The following ANKRD6 variants were observed in gnomAD, a reference collection of about 807,000 sequenced individuals.
ANKRD6 encodes the protein ankyrin repeat domain 6, also known as ankyrin repeat domain-containing protein 6.
A neutral mutation model predicts 82.3 loss-of-function variants in ANKRD6; 56 were observed. The observed-to-expected ratio is 0.68, with a 90% CI of 0.55 to 0.85. The LOEUF (loss-of-function observed/expected upper bound fraction) is 0.85, where lower values mean the gene tolerates loss of function less well. Among genes scored for constraint, ANKRD6 ranks in the 40% least tolerant of loss-of-function variants. ANKRD6 has a pLI of 0.00. For missense variants in ANKRD6, 852 were observed against 907.6 expected (o/e 0.94, Z 0.79); for synonymous variants, 347 against 352.1 (o/e 0.99, Z 0.16).
chr6:89,554,269 C>G (rs1445417161), intron 1 of ANKRD6, among the ~76,000 whole-genome samples: 2 of 152,164 alleles, frequency 1.3e-5, no homozygotes, highest in Admixed American at 1.3e-4. Flanking sequence ...CCCTTGTATC[C>G]TCCATTCTCT....
In ANKRD6 at chr6:89,623,853, G is replaced by T. The variant is rs536767744; in HGVS notation, c.1033-19G>T. ...AGAGGTCAAAGCGTTCAGGGGTGTTGTCTCTTCCTCTCTTACAGGTGTCAG... is the reference window on the plus strand; with the variant it reads ...AGAGGTCAAAGCGTTCAGGGGTGTTTTCTCTTCCTCTCTTACAGGTGTCAG... On this transcript the variant is annotated intron_variant, in intron 11 of 15. Transcript: ENST00000339746. 1 of 1,606,034 alleles carries T rather than the reference G, an allele frequency of 6.2e-7. No individual in the cohort carries two copies. The highest frequency in any genetic ancestry group is 1.1e-5 in the South Asian group (1 of 89,504).
intron 4 of ANKRD6, among the ~76,000 whole-genome samples, chr6:89,603,509 T>C (rs1797749335): frequency 6.6e-6 from 1 of 151,998 alleles, no homozygotes; most frequent in Admixed American, 6.6e-5. Flanking sequence ...AAAATCTTTT[T>C]CCTTGTTCTA....
At chr6:89,568,209 G>A (rs1455211366) in intron 2 of ANKRD6, 1 of 152,246 alleles carries the variant, frequency 6.6e-6, no homozygotes, top group African/African-American at 2.4e-5. Context: ...ACAAATGGGA[G>A]AGAGTGCAGA....
intron 1 of ANKRD6, among the ~76,000 whole-genome samples, chr6:89,545,226 A>AAAG (rs1784940685): frequency 6.7e-6 from 1 of 149,118 alleles, no homozygotes; most frequent in Admixed American, 6.7e-5. Flanking sequence ...AAAAAAAAAA[A>AAAG]AAAAGAAAAG....
chr6:89,560,458 C>A (rs1194033899), intron 1 of ANKRD6, among the ~76,000 whole-genome samples: 1 of 152,206 alleles, frequency 6.6e-6, no homozygotes, highest in Non-Finnish European at 1.5e-5. Flanking sequence ...CAAATACAGT[C>A]ACACTGGGGG....
chr6:89,618,170 A>T (rs768893461), intron 9 of ANKRD6, 139 bp downstream of exon 9: 1 of 927,872 alleles, frequency 1.1e-6, no homozygotes, highest in East Asian at 2.4e-5. Flanking sequence ...ATAGGCATGC[A>T]TGGGGGCCCA....
At chr6:89,492,770 TAGA>T (rs1168467915) in intron 1 of ANKRD6, among the ~76,000 whole-genome samples, 2 of 152,218 alleles carry the variant, frequency 1.3e-5, no homozygotes. Context: ...CTCCCCATTC[TAGA>T]AGAACTGGAC....
chr6:89,457,935 G>A (rs1300903747), intron 1 of ANKRD6, among the ~76,000 whole-genome samples: 1 of 152,180 alleles, frequency 6.6e-6, no homozygotes, highest in Non-Finnish European at 1.5e-5. Flanking sequence ...TAATAAAGTT[G>A]TGAGTTTGGA....
chr6:89,460,623 A>T (rs1027012541), intron 1 of ANKRD6, among the ~76,000 whole-genome samples: 1 of 151,798 alleles, frequency 6.6e-6, no homozygotes. Flanking sequence ...TTTAGTAGAG[A>T]CGGGGTTTCA....
At chr6:89,462,883 T>TC (rs1327064565) in intron 1 of ANKRD6, among the ~76,000 whole-genome samples, 3 of 151,372 alleles carry the variant, frequency 2.0e-5, no homozygotes, top group African/African-American at 7.3e-5. Context: ...TTTTTTTTTT[T>TC]CTAAGAGACA....
intron 1 of ANKRD6, among the ~76,000 whole-genome samples, chr6:89,436,097 G>A (rs964654262): frequency 1.3e-5 from 2 of 152,100 alleles, no homozygotes; most frequent in African/African-American, 4.8e-5. Context: ...TTAGTAGTTA[G>A]GTTCAAACAA....
intron 2 of ANKRD6, among the ~76,000 whole-genome samples, chr6:89,581,301 G>A (rs1792465489): frequency 6.6e-6 from 1 of 152,206 alleles, no homozygotes; most frequent in Admixed American, 6.5e-5. Flanking sequence ...GATTATGTTT[G>A]TGGGATAAAT....
intron 1 of ANKRD6, among the ~76,000 whole-genome samples, chr6:89,477,932 A>G (rs1776272166): frequency 6.6e-6 from 1 of 152,176 alleles, no homozygotes. Context: ...CTGTATAATT[A>G]TGAACTCATA....
At chr6:89,553,979 C>T (rs1786216278) in intron 1 of ANKRD6, among the ~76,000 whole-genome samples, 1 of 152,122 alleles carries the variant, frequency 6.6e-6, no homozygotes, top group Non-Finnish European at 1.5e-5. Context: ...GTTGAAGTGA[C>T]ATATTGGAGC....
At chr6:89,622,086 T>C in intron 10 of ANKRD6, 60 bp downstream of exon 10, 2 of 1,503,108 alleles carry the variant, frequency 1.3e-6, no homozygotes, top group Non-Finnish European at 1.8e-6. Context: ...TGGGAAACTA[T>C]CTCCCTGCTT....
intron 1 of ANKRD6, among the ~76,000 whole-genome samples, chr6:89,516,441 A>C (rs1320562436): frequency 6.6e-6 from 1 of 152,130 alleles, no homozygotes; most frequent in African/African-American, 2.4e-5. Context: ...CAGGGGTCAG[A>C]TTGTGTGACT....
chr6:89,499,912 A>T (rs574416255), intron 1 of ANKRD6, among the ~76,000 whole-genome samples: 493 of 152,266 alleles, frequency 3.2e-3, no homozygotes, highest in Middle Eastern at 0.01. Flanking sequence ...ATGCACTGCA[A>T]ACCAAAGAGT....
intron 1 of ANKRD6, among the ~76,000 whole-genome samples, chr6:89,459,623 C>A (rs1773888952): frequency 6.6e-6 from 1 of 152,146 alleles, no homozygotes; most frequent in African/African-American, 2.4e-5. Context: ...CTTCAGATTC[C>A]TGAGTAGCTA....
intron 1 of ANKRD6, among the ~76,000 whole-genome samples, chr6:89,474,139 C>T (rs1446878857): frequency 8.4e-6 from 1 of 118,370 alleles, no homozygotes; most frequent in Non-Finnish European, 1.8e-5. Context: ...AACAAAACAC[C>T]TGAAAACTTA....
Sources: allele counts gnomAD v4.1 joint callset (sites outside exome capture counted in the v4.1 genomes callset), GRCh38; gene constraint gnomAD v4.1.1; transcripts MANE v1.5; gene names NCBI Gene and HGNC (gene_info 2026-07-23, HGNC 2026-07-21).